Variants in SUCLG2 observed in about 807,000 individuals in gnomAD.
SUCLG2 encodes the protein succinate-CoA ligase GDP-forming subunit beta, also known as succinate--CoA ligase [GDP-forming] subunit beta, mitochondrial.
Under a neutral mutation model 47.9 loss-of-function variants are expected in SUCLG2, and 42 were observed. The ratio of observed to expected loss-of-function variants is 0.88; its 90% CI spans 0.69 to 1.14. SUCLG2 has a LOEUF of 1.14. SUCLG2 is among the 50% of genes most tolerant of loss of function. SUCLG2 has a pLI of 0.00. For synonymous variants in SUCLG2, 195 were observed against 197.3 expected (o/e 0.99, Z 0.10); for missense variants, 571 against 525.9 (o/e 1.09, Z -0.84).
intron 4 of SUCLG2, among the ~76,000 whole-genome samples, chr3:67,524,012 C>T (rs1706190778): frequency 6.6e-6 from 1 of 152,180 alleles, no homozygotes; most frequent in African/African-American, 2.4e-5. Flanking sequence ...TAATGCATGA[C>T]TCTTTAAGAA....
rs376868397 is a variant in SUCLG2 at position 67,622,073 on chromosome 3, G to A, written c.85-12477C>T. On this transcript the variant is annotated intron_variant, in intron 1 of 10. Transcript: ENST00000307227. ...GATTCTCTCCTAGGAGAGAACACAAGGCCTCCCTTGATTACAGAGATGCTA... is the reference window on the plus strand; with the variant it reads ...GATTCTCTCCTAGGAGAGAACACAAAGCCTCCCTTGATTACAGAGATGCTA... 7.2e-5 allele frequency among the ~76,000 whole-genome samples: 11 copies of A among 152,076 alleles called. No homozygotes were observed. In the East Asian group the frequency reaches 7.7e-4, roughly 11 times the overall value.
intron 2 of SUCLG2, among the ~76,000 whole-genome samples, chr3:67,537,266 G>A (rs1706570449): frequency 6.6e-6 from 1 of 151,700 alleles, no homozygotes; most frequent in Admixed American, 6.6e-5. Context: ...TCCCCTCCCT[G>A]TGTCCATGTG....
chr3:67,490,200 C>T (rs1012111021), intron 9 of SUCLG2, among the ~76,000 whole-genome samples: 7 of 152,222 alleles, frequency 4.6e-5, no homozygotes, highest in Middle Eastern at 3.4e-3. Context: ...CTCAGTTATA[C>T]GCATGTATCT....
intron 9 of SUCLG2, among the ~76,000 whole-genome samples, chr3:67,422,472 T>TAAAAAAAAAAAAAAAAAAAAAAAAA (rs1559520249): frequency 2.4e-4 from 3 of 12,324 alleles, no homozygotes; most frequent in African/African-American, 1.1e-3. Flanking sequence ...AGACTCCATC[T>TAAAAAAAAAAAAAAAAAAAAAAAAA]CAAAAAAAAA....
chr3:67,492,626 C>G (rs1705231530), intron 9 of SUCLG2, among the ~76,000 whole-genome samples: 1 of 152,118 alleles, frequency 6.6e-6, no homozygotes, highest in Non-Finnish European at 1.5e-5. Flanking sequence ...TCTCTCATCT[C>G]AAGCTCAGCT....
At chr3:67,606,412 A>G (rs1700421051) in intron 2 of SUCLG2, among the ~76,000 whole-genome samples, 1 of 152,202 alleles carries the variant, frequency 6.6e-6, no homozygotes, top group African/African-American at 2.4e-5. Context: ...ATTCTCTTTA[A>G]AAAACTTAGT....
intron 2 of SUCLG2, among the ~76,000 whole-genome samples, chr3:67,562,926 T>C (rs7649606): frequency 0.024 from 3,651 of 152,102 alleles, 142 homozygotes; most frequent in African/African-American, 0.081. Context: ...TATCTATATC[T>C]TTTAATACCG....
chr3:67,570,662 A>G (rs1707582636), intron 2 of SUCLG2, among the ~76,000 whole-genome samples: 1 of 152,122 alleles, frequency 6.6e-6, no homozygotes, highest in Non-Finnish European at 1.5e-5. Context: ...AACTCTGGAC[A>G]CTGAGGCTCG....
chr3:67,595,423 C>T (rs1485934283), intron 2 of SUCLG2, among the ~76,000 whole-genome samples: 2 of 152,128 alleles, frequency 1.3e-5, no homozygotes, highest in African/African-American at 2.4e-5. Context: ...AGACACAGAA[C>T]GTCAGCCAGG....
intron 9 of SUCLG2, among the ~76,000 whole-genome samples, chr3:67,459,054 T>A (rs1344134331): frequency 6.6e-6 from 1 of 152,204 alleles, no homozygotes; most frequent in South Asian, 2.1e-4. Context: ...TTCATTCACA[T>A]GGAAGGTCAA....
At chr3:67,514,585 T>C (rs1705890409) in intron 6 of SUCLG2, among the ~76,000 whole-genome samples, 1 of 152,198 alleles carries the variant, frequency 6.6e-6, no homozygotes, top group African/African-American at 2.4e-5. Flanking sequence ...CACTCATGTT[T>C]TCAGAAATGA....
chr3:67,375,652 C>T lies in SUCLG2; in HGVS notation c.*92G>A. On this transcript the variant is annotated 3_prime_UTR_variant, in exon 11 of 11. Transcript: ENST00000307227. ...CTTGCCTTCCCCCTCCCCTTTTCTT[C>T]CCCAATGAGATAACCATTTCTTTCA... The T allele has an allele frequency of 1.4e-6, 2 of 1,465,000 alleles. No homozygotes were observed. Among genetic ancestry groups the T allele is most frequent in the Non-Finnish European group, 1.8e-6 (2 of 1,106,712 alleles). 90.8% of individuals were successfully genotyped at this position (1,465,000 alleles called of 1,614,324 possible). A position where few individuals can be genotyped will look rare whatever the true frequency, so the allele number is the denominator to read the frequency against.
intron 2 of SUCLG2, among the ~76,000 whole-genome samples, chr3:67,599,770 T>C (rs976980907): frequency 4.1e-4 from 61 of 148,434 alleles, no homozygotes; most frequent in Non-Finnish European, 1.0e-4. Context: ...TTGAGAGAAA[T>C]AGACTCCCAA....
chr3:67,403,972 G>A (rs976783485), intron 9 of SUCLG2, among the ~76,000 whole-genome samples: 20 of 152,082 alleles, frequency 1.3e-4, no homozygotes, highest in African/African-American at 3.1e-4. Flanking sequence ...TGCAACCTCC[G>A]CCTCCTGGGT....
At chr3:67,574,119 T>C (rs1707686568) in intron 2 of SUCLG2, among the ~76,000 whole-genome samples, 1 of 152,188 alleles carries the variant, frequency 6.6e-6, no homozygotes, top group Non-Finnish European at 1.5e-5. Flanking sequence ...CAAGCCCCTG[T>C]CATGCTCAAA....
At chr3:67,394,669 G>A (rs1370605001) in intron 10 of SUCLG2, among the ~76,000 whole-genome samples, 11 of 151,562 alleles carry the variant, frequency 7.3e-5, no homozygotes, top group African/African-American at 1.7e-4. Flanking sequence ...GAAATACAGA[G>A]AATGCCTCAA....
chr3:67,458,815 A>C (rs1160027863), intron 9 of SUCLG2, among the ~76,000 whole-genome samples: 1 of 152,216 alleles, frequency 6.6e-6, no homozygotes, highest in Non-Finnish European at 1.5e-5. Context: ...TAAACAACTC[A>C]GTCTGTCATA....
chr3:67,563,196 T>C (rs1188404783), intron 2 of SUCLG2, among the ~76,000 whole-genome samples: 2 of 151,940 alleles, frequency 1.3e-5, no homozygotes. Context: ...GGAAAATACC[T>C]TGGGTACTCC....
chr3:67,472,891 AAGAC>A (rs1394834784), intron 9 of SUCLG2, among the ~76,000 whole-genome samples: 1 of 152,200 alleles, frequency 6.6e-6, no homozygotes, highest in Admixed American at 6.5e-5. Flanking sequence ...TGACAGCAAA[AAGAC>A]AGGAAGGCAG....
Sources: allele counts gnomAD v4.1 joint callset (sites outside exome capture counted in the v4.1 genomes callset), GRCh38; gene constraint gnomAD v4.1.1; transcripts MANE v1.5; gene names NCBI Gene and HGNC (gene_info 2026-07-23, HGNC 2026-07-21).